Variants in IARS1 observed in about 807,000 individuals in gnomAD.
The protein encoded by IARS1 is isoleucyl-tRNA synthetase 1.
Under a neutral mutation model 168.2 loss-of-function variants are expected in IARS1, and 124 were observed. The observed-to-expected ratio is 0.74, with a 90% CI of 0.64 to 0.86. The LOEUF (loss-of-function observed/expected upper bound fraction) is 0.86. Ranked by LOEUF, IARS1 falls within the 40% of genes least tolerant of loss-of-function variation. The pLI, the probability that IARS1 is intolerant of heterozygous loss-of-function variation, is 0.00. For synonymous variants in IARS1, 532 were observed against 529.4 expected (o/e 1.00, Z -0.07); for missense variants, 1,452 against 1,515.8 (o/e 0.96, Z 0.70).
chr9:92,223,800 C>A (rs1196483737), intron 31 of IARS1, among the ~76,000 whole-genome samples: 1 of 152,164 alleles, frequency 6.6e-6, no homozygotes, highest in African/African-American at 2.4e-5. Context: ...ATCAGAATCT[C>A]AAGCTTCACC....
intron 6 of IARS1, 144 bp from the exon 7 acceptor site, chr9:92,281,037 G>A: frequency 4.3e-6 from 2 of 467,454 alleles, no homozygotes; most frequent in Admixed American, 4.1e-5. Context: ...ACAGAAAATA[G>A]CAAGAAATTC....
rs536228957 is a variant in IARS1 at position 92,264,012 on chromosome 9, C to A, written c.1700+917G>T. Among the ~76,000 whole-genome samples, 6 of 152,334 alleles carry A rather than the reference C, an allele frequency of 3.9e-5. 1 individual carries two copies. The highest frequency in any genetic ancestry group is 1.4e-4 in the African/African-American group (6 of 41,574). On this transcript the variant is annotated intron_variant, in intron 16 of 33. Coordinates refer to ENST00000443024, the MANE Select transcript of IARS1 (RefSeq NM_002161.6). ...TGACACCAACAATTCCTTTAACACACCCCTGCAGAAACATTACTGTGAATG... is the reference window on the plus strand; with the variant it reads ...TGACACCAACAATTCCTTTAACACAACCCTGCAGAAACATTACTGTGAATG...
rs756565568 is a variant in IARS1, at chr9:92,278,196, C to T, written c.833+3G>A. 14 of 1,557,494 alleles carry T rather than the reference C, an allele frequency of 9.0e-6. No homozygotes were observed. The highest frequency in any genetic ancestry group is 1.2e-5 in the Non-Finnish European group (14 of 1,128,284). ...AACACAGAGCAACTATTTGAATATT[C>T]ACCTTTCAAGGATCTCATAGTCACT... On this transcript the variant is annotated splice_donor_region_variant and intron_variant, in intron 8 of 33. Coordinates refer to ENST00000443024, the MANE Select transcript of IARS1 (RefSeq NM_002161.6).
chr9:92,288,370 T>C (rs2133995904), intron 2 of IARS1, 88 bp from the exon 3 acceptor site: 3 of 1,091,648 alleles, frequency 2.7e-6, no homozygotes, highest in Admixed American at 2.0e-5. Flanking sequence ...CATAGTGGAG[T>C]CTTCAAGGAG....
chr9:92,265,026 A>T lies in IARS1; in HGVS notation c.1603T>A (p.Tyr535Asn). The T allele has an allele frequency of 6.2e-7, 1 of 1,614,182 alleles. No homozygotes were observed. The highest frequency in any genetic ancestry group is 8.5e-7 in the Non-Finnish European group (1 of 1,180,020). The change falls in exon 16 of 34, where the codon TAT (tyrosine) becomes AAT (asparagine). Residue 535 changes from tyrosine to asparagine, a missense_variant. Coordinates refer to ENST00000443024, the MANE Select transcript of IARS1 (RefSeq NM_002161.6). ...DCWFESGSMP[Y>N]AQVHYPFENK... The stretch of plus-strand genomic sequence containing the variant: ...TCAAACGGGTAATGAACCTGAGCAT[A>T]GGGCATGCTGCCACTCTCAAACCAA...
chr9:92,246,545 T>G (rs955298938), intron 26 of IARS1, among the ~76,000 whole-genome samples: 2 of 152,230 alleles, frequency 1.3e-5, no homozygotes, highest in African/African-American at 4.8e-5. Context: ...TATGTTACCC[T>G]ACACCTTCCC....
intron 30 of IARS1, among the ~76,000 whole-genome samples, chr9:92,235,235 G>A (rs1339368383): frequency 6.6e-6 from 1 of 152,118 alleles, no homozygotes; most frequent in African/African-American, 2.4e-5. Context: ...TCATGCCGTG[G>A]TCCACTGGCT....
intron 9 of IARS1, 132 bp from the exon 10 acceptor site, chr9:92,274,653 G>C (rs1833549110): frequency 1.7e-6 from 1 of 590,040 alleles, no homozygotes; most frequent in Non-Finnish European, 3.0e-6. Flanking sequence ...AGAAAAGAAA[G>C]AATAATGCAG....
At chr9:92,225,163 C>T (rs908516713) in intron 31 of IARS1, among the ~76,000 whole-genome samples, 1 of 152,226 alleles carries the variant, frequency 6.6e-6, no homozygotes, top group Non-Finnish European at 1.5e-5. Flanking sequence ...TTTGGTCTTA[C>T]TGGAACACAC....
In IARS1 at chr9:92,222,521, C is replaced by T. The variant is rs202112475; in HGVS notation, c.3705G>A (p.Gln1235=). 2.8e-5 allele frequency: 45 copies of T among 1,613,410 alleles called. No homozygotes were observed. The highest frequency in any genetic ancestry group is 3.1e-5 in the Non-Finnish European group (37 of 1,179,870). Residue 1235 remains glutamine (Q), a splice_region_variant and synonymous_variant, in exon 33 of 34, where the codon CAG becomes CAA. Coordinates refer to ENST00000443024, the MANE Select transcript of IARS1 (RefSeq NM_002161.6). ...ACTTACGGTCCACAATCTCCTTACC[C>T]TGCGTTTGGGTCTCATTCAGAAACA... ...LKLFLNETQT[Q]EITEDIPVKT... is the part of the protein sequence containing the mutation.
At chr9:92,280,695 T>C in intron 7 of IARS1, 51 bp downstream of exon 7, 2 of 1,262,088 alleles carry the variant, frequency 1.6e-6, no homozygotes, top group Non-Finnish European at 2.2e-6. Flanking sequence ...TTTTCCAAAA[T>C]ATAAAATTAT....
intron 17 of IARS1, 120 bp from the exon 18 acceptor site, chr9:92,260,354 G>T (rs552476599): frequency 6.4e-6 from 5 of 777,048 alleles, no homozygotes; most frequent in African/African-American, 1.7e-5. Flanking sequence ...GAGTAACTTA[G>T]ATAGAAGTTA....
At chr9:92,232,364 A>G (rs1446739250) in intron 30 of IARS1, among the ~76,000 whole-genome samples, 2 of 152,240 alleles carry the variant, frequency 1.3e-5, no homozygotes, top group African/African-American at 4.8e-5. Flanking sequence ...TGATTCATAG[A>G]TTTGCCAATC....
intron 13 of IARS1, 96 bp from the exon 14 acceptor site, chr9:92,268,396 G>C: frequency 3.2e-6 from 4 of 1,238,866 alleles, no homozygotes; most frequent in Non-Finnish European, 4.6e-6. Flanking sequence ...ACGCTTTGTG[G>C]ACCAAACACT....
chr9:92,271,956 A>G (rs796120705), intron 10 of IARS1, among the ~76,000 whole-genome samples: 6 of 152,366 alleles, frequency 3.9e-5, no homozygotes, highest in African/African-American at 1.4e-4. Flanking sequence ...AGGAATTAAG[A>G]AAGTAAAGCA....
Position 92,250,693 on chromosome 9 carries a change from T to C in IARS1, c.2429+20A>G, listed in dbSNP as rs751796961. ...TCCCCTCCTTGGCACAGGTGAGGCTTATTTCTATTTGAGTCCTACCGAACA... is the reference window on the plus strand; with the variant it reads ...TCCCCTCCTTGGCACAGGTGAGGCTCATTTCTATTTGAGTCCTACCGAACA... On this transcript the variant is annotated intron_variant, in intron 23 of 33. Coordinates refer to ENST00000443024, the MANE Select transcript of IARS1 (RefSeq NM_002161.6). 13 of 1,584,194 alleles carry C rather than the reference T, an allele frequency of 8.2e-6. No individual in the cohort carries two copies. Among genetic ancestry groups the C allele is most frequent in the Non-Finnish European group, 1.1e-5 (13 of 1,165,086 alleles).
intron 9 of IARS1, among the ~76,000 whole-genome samples, chr9:92,276,229 G>C (rs1321089016): frequency 6.6e-6 from 1 of 152,196 alleles, no homozygotes; most frequent in Non-Finnish European, 1.5e-5. Flanking sequence ...TGAAGGGTGA[G>C]TTAACTCAGC....
intron 30 of IARS1, among the ~76,000 whole-genome samples, chr9:92,235,241 T>C (rs1314557606): frequency 6.6e-6 from 1 of 152,230 alleles, no homozygotes; most frequent in African/African-American, 2.4e-5. Flanking sequence ...CGTGGTCCAC[T>C]GGCTAGAACT....
intron 29 of IARS1, 64 bp from the exon 30 acceptor site, chr9:92,241,025 G>A (rs1220023531): frequency 3.6e-6 from 3 of 841,518 alleles, no homozygotes; most frequent in South Asian, 1.4e-5. Context: ...CCACACCATC[G>A]TGTAACACAG....
Sources: allele counts gnomAD v4.1 joint callset (sites outside exome capture counted in the v4.1 genomes callset), GRCh38; gene constraint gnomAD v4.1.1; transcripts MANE v1.5; gene names NCBI Gene and HGNC (gene_info 2026-07-23, HGNC 2026-07-21).